The following NPSR1 variants were observed in gnomAD, a reference collection of about 807,000 sequenced individuals.
The protein encoded by NPSR1 is neuropeptide S receptor.
A neutral mutation model predicts 46.9 loss-of-function variants in NPSR1; 48 were observed. That is an observed-to-expected ratio of 1.02 (90% CI 0.81 to 1.30). The LOEUF (loss-of-function observed/expected upper bound fraction) is 1.30. Ranked by LOEUF, NPSR1 falls within the 50% of genes most tolerant of loss-of-function variation. The probability of loss-of-function intolerance (pLI) is 0.00; values close to 1 mark genes in which losing one functional copy is unlikely to be tolerated. For missense variants in NPSR1, 450 were observed against 449.5 expected (o/e 1.00, Z -0.01); for synonymous variants, 176 against 168.1 (o/e 1.05, Z -0.36).
chr7:34,672,510 G>T (rs746031541), intron 1 of NPSR1, among the ~76,000 whole-genome samples: 1 of 146,370 alleles, frequency 6.8e-6, no homozygotes, highest in Non-Finnish European at 1.5e-5. Context: ...AAATGAGAAC[G>T]TTTAGGATGT....
chr7:34,720,505 A>G (rs1266498194), intron 2 of NPSR1, among the ~76,000 whole-genome samples: 2 of 152,166 alleles, frequency 1.3e-5, no homozygotes, highest in Non-Finnish European at 2.9e-5. Flanking sequence ...TGCAATGTGT[A>G]GTTCCCCAAA....
intron 1 of NPSR1, among the ~76,000 whole-genome samples, chr7:34,662,545 C>T (rs551814623): frequency 2.6e-5 from 4 of 152,232 alleles, no homozygotes; most frequent in South Asian, 2.1e-4. Flanking sequence ...CAATTTGTAA[C>T]GAGAGGTCTT....
intron 3 of NPSR1, among the ~76,000 whole-genome samples, chr7:34,799,634 G>A (rs965627711): frequency 4.0e-5 from 6 of 149,282 alleles, no homozygotes; most frequent in South Asian, 2.2e-4. Flanking sequence ...AAAGACCATC[G>A]AGAGTAGGAA....
intron 8 of NPSR1, chr7:34,849,202 G>T (rs1468966242): frequency 1.5e-6 from 1 of 687,442 alleles, no homozygotes; most frequent in Non-Finnish European, 2.6e-6. Flanking sequence ...AATGATTTAA[G>T]TCTTGGGCTT....
intron 4 of NPSR1, among the ~76,000 whole-genome samples, chr7:34,815,583 T>G (rs1299602696): frequency 6.6e-6 from 1 of 151,912 alleles, no homozygotes; most frequent in African/African-American, 2.4e-5. Context: ...ACAAAGATAC[T>G]CCTCGAGAAT....
chr7:34,852,463 G>T (rs1354990031), downstream of NPSR1, among the ~76,000 whole-genome samples: 1 of 152,110 alleles, frequency 6.6e-6, no homozygotes, highest in African/African-American at 2.4e-5. Flanking sequence ...AATCAGGCTG[G>T]AGCAGAGGAT....
intron 2 of NPSR1, among the ~76,000 whole-genome samples, chr7:34,714,305 C>T (rs982654367): frequency 5.3e-5 from 8 of 152,206 alleles, no homozygotes; most frequent in African/African-American, 1.9e-4. Context: ...TGAGTCCCAG[C>T]TCCAGCCAGG....
chr7:34,840,535 G>A (rs1328029301), intron 6 of NPSR1, among the ~76,000 whole-genome samples: 4 of 152,140 alleles, frequency 2.6e-5, no homozygotes, highest in Non-Finnish European at 5.9e-5. Context: ...AGGTATCCCC[G>A]GGAAGAGCAG....
chr7:34,799,192 C>A (rs1173845618), intron 3 of NPSR1, among the ~76,000 whole-genome samples: 1 of 151,978 alleles, frequency 6.6e-6, no homozygotes, highest in Non-Finnish European at 1.5e-5. Flanking sequence ...ATTAGCTTTA[C>A]TTAGCCATTC....
At chr7:34,740,127 G>T (rs187495486) in intron 2 of NPSR1, among the ~76,000 whole-genome samples, 1 of 152,130 alleles carries the variant, frequency 6.6e-6, no homozygotes, top group Admixed American at 6.5e-5. Context: ...ATGGAGTTAT[G>T]TTCCTGGGAG....
At chr7:34,755,217 C>T (rs1785766455) in intron 2 of NPSR1, among the ~76,000 whole-genome samples, 1 of 152,190 alleles carries the variant, frequency 6.6e-6, no homozygotes, top group East Asian at 1.9e-4. Flanking sequence ...TTCCCACCAG[C>T]AGTGTACAAA....
intron 2 of NPSR1, among the ~76,000 whole-genome samples, chr7:34,695,074 A>C (rs1161257824): frequency 2.0e-5 from 3 of 152,222 alleles, no homozygotes. Flanking sequence ...TTATACAACA[A>C]GGCTGTAGTA....
intron 2 of NPSR1, among the ~76,000 whole-genome samples, chr7:34,777,793 C>T (rs1213905948): frequency 1.3e-5 from 2 of 152,178 alleles, no homozygotes; most frequent in South Asian, 2.1e-4. Context: ...CTGCTATAAA[C>T]ATCTGCACAG....
At chr7:34,790,967 ATATATGTTATATGTTATATTATATATGT>A (rs1584028655) in intron 3 of NPSR1, among the ~76,000 whole-genome samples, 16 of 75,028 alleles carry the variant, frequency 2.1e-4, no homozygotes, top group African/African-American at 5.8e-4. Context: ...ATGTTATATT[ATATATGTTATATGTTATATTATATATGT>A]TATATGTTAT....
chr7:34,866,229 G>A (rs939706706), intron 8 of NPSR1, among the ~76,000 whole-genome samples: 1 of 151,816 alleles, frequency 6.6e-6, no homozygotes, highest in Non-Finnish European at 1.5e-5. Flanking sequence ...ATGGCTGAGA[G>A]ATAAGCCAGT....
chr7:34,733,308 T>C (rs951585068), intron 2 of NPSR1, among the ~76,000 whole-genome samples: 1 of 151,378 alleles, frequency 6.6e-6, no homozygotes, highest in Non-Finnish European at 1.5e-5. Context: ...TAATCCCAGC[T>C]ACTGGGAGGC....
At chr7:34,818,274 A>C (rs796153765) in intron 4 of NPSR1, among the ~76,000 whole-genome samples, 1 of 152,354 alleles carries the variant, frequency 6.6e-6, no homozygotes, top group East Asian at 1.9e-4. Flanking sequence ...TACATGAATA[A>C]GAGACAAACA....
At chr7:34,703,449 C>T (rs1583843038) in intron 2 of NPSR1, among the ~76,000 whole-genome samples, 1 of 151,892 alleles carries the variant, frequency 6.6e-6, no homozygotes, top group East Asian at 1.9e-4. Context: ...GAGAAGAACC[C>T]ACACTTGATT....
chr7:34,727,468 A>G (rs1222978593), intron 2 of NPSR1, among the ~76,000 whole-genome samples: 1 of 152,234 alleles, frequency 6.6e-6, no homozygotes, highest in Non-Finnish European at 1.5e-5. Flanking sequence ...CTCTAGTTTG[A>G]TATCAAAATC....
Sources: gnomAD v4.1 joint callset for allele counts (sites outside exome capture counted in the v4.1 genomes callset) on GRCh38, gnomAD v4.1.1 for gene constraint, MANE v1.5 for transcripts, NCBI Gene and HGNC (gene_info 2026-07-23, HGNC 2026-07-21) for gene names.